PHF2: variants seen among roughly 807,000 people sequenced by gnomAD.
PHF2 encodes the protein lysine-specific demethylase PHF2.
PHF2 carries 27 observed loss-of-function variants against 120.5 expected under a neutral mutation model. The ratio of observed to expected loss-of-function variants is 0.22; its 90% CI spans 0.17 to 0.31. The LOEUF (loss-of-function observed/expected upper bound fraction) is 0.31. Ranked by LOEUF, PHF2 falls within the 10% of genes least tolerant of loss-of-function variation. The pLI, the probability that PHF2 is intolerant of heterozygous loss-of-function variation, is 1.00. For synonymous variants in PHF2, 568 were observed against 592.5 expected, an observed-to-expected ratio of 0.96 and a Z score of 0.60; for missense variants, 1,024 against 1,434.8, an observed-to-expected ratio of 0.71 and a Z score of 4.63.
chr9:93,584,565 T>G (rs1428803252), intron 1 of PHF2, among the ~76,000 whole-genome samples: 1 of 152,256 alleles, frequency 6.6e-6, no homozygotes, highest in African/African-American at 2.4e-5. Context: ...CACAGGGGTT[T>G]ATTTCTGGAC....
At chr9:93,649,374 CTTTTTTTTTTTTTTTTTTT>C (rs752368762) in intron 5 of PHF2, among the ~76,000 whole-genome samples, 162 bp downstream of exon 5, 2 of 105,832 alleles carry the variant, frequency 1.9e-5, no homozygotes, top group Non-Finnish European at 3.7e-5. Context: ...AAATTTTTTC[CTTTTTTTTTTTTTTTTTTT>C]TTTTTATAAG....
intron 1 of PHF2, among the ~76,000 whole-genome samples, chr9:93,611,943 G>A (rs1218729678): frequency 6.6e-6 from 1 of 152,206 alleles, no homozygotes; most frequent in Non-Finnish European, 1.5e-5. Flanking sequence ...AGCCACCAAA[G>A]TGTGGCCTCT....
intron 1 of PHF2, among the ~76,000 whole-genome samples, chr9:93,595,368 C>T (rs1587668672): frequency 1.3e-5 from 2 of 152,300 alleles, no homozygotes; most frequent in East Asian, 1.9e-4. Context: ...ATACTCTTCA[C>T]CTGGAGGTAG....
At chr9:93,583,253 A>AT (rs569959417) in intron 1 of PHF2, among the ~76,000 whole-genome samples, 3 of 152,290 alleles carry the variant, frequency 2.0e-5, no homozygotes, top group Non-Finnish European at 4.4e-5. Flanking sequence ...TGTTTCATTG[A>AT]TTTTTATGGC....
In PHF2 at chr9:93,677,497, T is replaced by C. The variant is rs541611548; in HGVS notation, c.3203-91T>C. ...TGGGGGACTGCAGGCTGCCCCTTAG[T>C]GTCAGCGGGACCCTCCCCCCCACCG... On this transcript the variant is annotated intron_variant, in intron 21 of 21. Coordinates refer to ENST00000359246, the MANE Select transcript of PHF2 (RefSeq NM_005392.4). This position sits in a 1 kb window ranked among gnomAD's most constrained non-coding sequence, Gnocchi z 4.4. 3 of 891,224 alleles carry C rather than the reference T, an allele frequency of 3.4e-6. No homozygotes were observed. The highest frequency in any genetic ancestry group is 4.8e-5 in the East Asian group (2 of 41,462). The allele number at this position is 891,224 out of a possible 1,614,324, so 55.2% of individuals were successfully genotyped here. A position where few individuals can be genotyped will look rare whatever the true frequency, so the allele number is the denominator to read the frequency against.
At chr9:93,595,867 C>T (rs537331860) in intron 1 of PHF2, among the ~76,000 whole-genome samples, 1 of 152,202 alleles carries the variant, frequency 6.6e-6, no homozygotes, top group African/African-American at 2.4e-5. Flanking sequence ...CCTGAGTGGG[C>T]AAATTTATAA....
intron 1 of PHF2, among the ~76,000 whole-genome samples, chr9:93,626,148 CAG>C (rs931595669): frequency 6.6e-6 from 1 of 152,102 alleles, no homozygotes; most frequent in Non-Finnish European, 1.5e-5. Flanking sequence ...GAGGCTGAGA[CAG>C]GGGAACTGCT....
intron 1 of PHF2, among the ~76,000 whole-genome samples, chr9:93,617,145 C>T (rs142533839): frequency 3.3e-5 from 5 of 152,318 alleles, no homozygotes; most frequent in East Asian, 3.9e-4. Flanking sequence ...GGCCAGGTGT[C>T]GGTCATTCCT....
chr9:93,662,810 A>T, intron 12 of PHF2, 97 bp from the exon 13 acceptor site: 1 of 1,465,592 alleles, frequency 6.8e-7, no homozygotes, highest in Non-Finnish European at 9.4e-7. Flanking sequence ...TTGAGCTGCA[A>T]GCACATGGGC....
intron 9 of PHF2, 109 bp from the exon 10 acceptor site, chr9:93,658,036 A>G (rs1326665151): frequency 2.9e-6 from 2 of 691,322 alleles, no homozygotes; most frequent in Non-Finnish European, 2.5e-6. Context: ...GCGGAGGGAG[A>G]CCTCTGGAAG....
chr9:93,586,682 G>A (rs926042120), intron 1 of PHF2, among the ~76,000 whole-genome samples: 3 of 152,264 alleles, frequency 2.0e-5, no homozygotes, highest in African/African-American at 4.8e-5. Context: ...GAGTCAAGAG[G>A]TTTGCCACGA....
intron 2 of PHF2, among the ~76,000 whole-genome samples, chr9:93,630,312 G>T (rs1825979100): frequency 6.6e-6 from 1 of 152,250 alleles, no homozygotes; most frequent in Non-Finnish European, 1.5e-5. Flanking sequence ...AGGGCCTTCT[G>T]AGGCCTAGCG....
chr9:93,608,613 C>G (rs924944427), intron 1 of PHF2, among the ~76,000 whole-genome samples: 1 of 152,032 alleles, frequency 6.6e-6, no homozygotes, highest in African/African-American at 2.4e-5. Flanking sequence ...TATTCAATTT[C>G]TTTAATAGTT....
At chr9:93,591,408 GGCTGTACCGTGGCCTT>G (rs145757443) in intron 1 of PHF2, among the ~76,000 whole-genome samples, 11,780 of 152,266 alleles carry the variant, frequency 0.077, 735 homozygotes, top group African/African-American at 0.16. Flanking sequence ...TTCAGGAGCA[GGCTGTACCGTGGCCTT>G]GCTGCACGGG....
intron 1 of PHF2, among the ~76,000 whole-genome samples, chr9:93,599,975 C>G (rs1180885694): frequency 6.6e-6 from 1 of 152,200 alleles, no homozygotes; most frequent in Non-Finnish European, 1.5e-5. Context: ...TCATGCTGCC[C>G]AGGAACAGCC....
chr9:93,628,463 T>C (rs775905347), intron 1 of PHF2, among the ~76,000 whole-genome samples: 1 of 152,280 alleles, frequency 6.6e-6, no homozygotes, highest in Non-Finnish European at 1.5e-5. Flanking sequence ...TGGCAGTTTG[T>C]GTGCTTCTGA....
At chr9:93,669,091 T>C (rs1374155771) in intron 17 of PHF2, among the ~76,000 whole-genome samples, 1 of 152,254 alleles carries the variant, frequency 6.6e-6, no homozygotes, top group East Asian at 1.9e-4. Flanking sequence ...ACGTTGCTCA[T>C]TGATTCACCA....
At chr9:93,658,918 C>T (rs900029430) in intron 10 of PHF2, among the ~76,000 whole-genome samples, 2 of 152,170 alleles carry the variant, frequency 1.3e-5, no homozygotes, top group Admixed American at 1.3e-4. Flanking sequence ...GAAGGTCTGG[C>T]CCAGCCTCGA....
At chr9:93,643,129 A>G (rs1166524180) in intron 3 of PHF2, among the ~76,000 whole-genome samples, 2 of 151,998 alleles carry the variant, frequency 1.3e-5, no homozygotes, top group Admixed American at 6.5e-5. Context: ...TCTGTGGGGC[A>G]TGGTGCTTCA....
Sources: allele counts gnomAD v4.1 joint callset (sites outside exome capture counted in the v4.1 genomes callset), GRCh38; gene constraint gnomAD v4.1.1; non-coding constraint Gnocchi (gnomAD v3.1); transcripts MANE v1.5; gene names NCBI Gene and HGNC (gene_info 2026-07-23, HGNC 2026-07-21).